The following SLC24A4 variants were observed in gnomAD, a reference collection of about 807,000 sequenced individuals.
SLC24A4 encodes the protein sodium/potassium/calcium exchanger 4.
Under a neutral mutation model 79.0 loss-of-function variants are expected in SLC24A4, and 53 were observed. The ratio of observed to expected loss-of-function variants is 0.67; its 90% CI spans 0.54 to 0.84. The LOEUF (loss-of-function observed/expected upper bound fraction) is 0.84. SLC24A4 is among the 40% of genes least tolerant of loss of function. SLC24A4 has a pLI of 0.00. For synonymous variants in SLC24A4, 323 were observed against 323.8 expected (o/e 1.00, Z 0.03); for missense variants, 731 against 822.0 (o/e 0.89, Z 1.35).
intron 2 of SLC24A4, among the ~76,000 whole-genome samples, chr14:92,344,301 A>G (rs2141626608): frequency 6.6e-6 from 1 of 152,346 alleles, no homozygotes; most frequent in East Asian, 1.9e-4. Flanking sequence ...GGAAGACAAG[A>G]GAAGCCGTCC....
rs955520419 is a variant in SLC24A4 at position 92,372,978 on chromosome 14, T to C, written c.241+47000T>C. On this transcript the variant is annotated intron_variant, in intron 2 of 16. Coordinates refer to ENST00000532405, the MANE Select transcript of SLC24A4 (RefSeq NM_153646.4). ...CTCTCCCTCTCTCTCTCTCCCCCCC[T>C]CCCTCTCCCTCTCTCTCTCTTCTTT... is the stretch of plus-strand genomic sequence containing the variant. 9.3e-3 allele frequency among the ~76,000 whole-genome samples: 1,175 copies of C among 125,698 alleles called. 44 individuals carry two copies. The highest frequency in any genetic ancestry group is 0.015 in the Non-Finnish European group (877 of 57,494). 82.5% of individuals were successfully genotyped at this position (125,698 alleles called of 152,430 possible).
chr14:92,433,841 CAGA>C, intron 2 of SLC24A4, 68 bp from the exon 3 acceptor site: 1 of 1,335,732 alleles, frequency 7.5e-7, no homozygotes, highest in Non-Finnish European at 1.1e-6. Flanking sequence ...AGTGAACTCT[CAGA>C]AGTCAAGTGA....
intron 2 of SLC24A4, among the ~76,000 whole-genome samples, chr14:92,394,055 G>A (rs777788244): frequency 6.7e-6 from 1 of 149,776 alleles, no homozygotes; most frequent in Non-Finnish European, 1.5e-5. Flanking sequence ...ATGTTGCCCA[G>A]GCTGGTCTTG....
chr14:92,478,066 C>G (rs905028529), intron 12 of SLC24A4, among the ~76,000 whole-genome samples: 7 of 152,218 alleles, frequency 4.6e-5, no homozygotes, highest in African/African-American at 1.7e-4. Flanking sequence ...CTTGGCCTTC[C>G]AAAGTGCTGA....
intron 2 of SLC24A4, among the ~76,000 whole-genome samples, chr14:92,432,332 T>C (rs1891921741): frequency 6.6e-6 from 1 of 152,254 alleles, no homozygotes; most frequent in African/African-American, 2.4e-5. Context: ...GACATTGTTC[T>C]AATTTTCAAA....
intron 2 of SLC24A4, among the ~76,000 whole-genome samples, chr14:92,364,850 A>G (rs903354574): frequency 6.6e-6 from 1 of 152,182 alleles, no homozygotes; most frequent in African/African-American, 2.4e-5. Flanking sequence ...TCTGGCACAG[A>G]CTGGGTGCCT....
intron 3 of SLC24A4, among the ~76,000 whole-genome samples, chr14:92,435,766 G>A (rs777746878): frequency 1.3e-5 from 2 of 152,158 alleles, no homozygotes; most frequent in African/African-American, 4.8e-5. Flanking sequence ...CTAGAATGAG[G>A]GTTGTTGGCA....
intron 13 of SLC24A4, chr14:92,484,089 C>T (rs1895225384): frequency 6.1e-6 from 6 of 985,342 alleles, no homozygotes; most frequent in Non-Finnish European, 7.2e-6. Flanking sequence ...CTTACAAGGC[C>T]ATTGGGAGAA....
chr14:92,491,028 C>G (rs1012949269), intron 14 of SLC24A4, among the ~76,000 whole-genome samples: 38 of 152,270 alleles, frequency 2.5e-4, no homozygotes, highest in African/African-American at 8.4e-4. Flanking sequence ...CAACTAAAAC[C>G]AAGAACTTCT....
chr14:92,369,810 G>C (rs150349219), intron 2 of SLC24A4, among the ~76,000 whole-genome samples: 4 of 152,122 alleles, frequency 2.6e-5, no homozygotes, highest in African/African-American at 9.7e-5. Context: ...CACTCACCCC[G>C]AAGTCTCGAG....
intron 2 of SLC24A4, among the ~76,000 whole-genome samples, chr14:92,334,932 A>C (rs1157220318): frequency 6.6e-6 from 1 of 151,896 alleles, no homozygotes; most frequent in Non-Finnish European, 1.5e-5. Context: ...ATCGTCATCG[A>C]GGTGAAGTCC....
intron 14 of SLC24A4, among the ~76,000 whole-genome samples, chr14:92,489,505 G>A (rs1895556961): frequency 6.6e-6 from 1 of 152,218 alleles, no homozygotes; most frequent in South Asian, 2.1e-4. Flanking sequence ...CAAACCAGGA[G>A]GCTGTGCAGC....
At position 92,398,865 on chromosome 14, in the gene SLC24A4, G is replaced by A. The variant is rs752018181; in HGVS notation, c.242-35047G>A. Among the ~76,000 whole-genome samples the A allele has an allele frequency of 2.6e-5, 4 of 152,140 alleles. No individual in the cohort carries two copies. Among genetic ancestry groups the A allele is most frequent in the Non-Finnish European group, 4.4e-5 (3 of 68,026 alleles). On this transcript the variant is annotated intron_variant, in intron 2 of 16. Transcript: ENST00000532405. This position sits in a 1 kb window ranked among gnomAD's most constrained non-coding sequence, Gnocchi z 4.1. The stretch of plus-strand genomic sequence containing the variant: ...TTGGGGTGGCACCCTTCCTTAAATC[G>A]TCAACTCAATGCCTGCTTCTTTCCC...
At chr14:92,407,857 TTGTGTGTGTG>T (rs60398538) in intron 2 of SLC24A4, among the ~76,000 whole-genome samples, 2,277 of 143,616 alleles carry the variant, frequency 0.016, 43 homozygotes, top group East Asian at 0.1. Flanking sequence ...CAGAGTGATA[TTGTGTGTGTG>T]TGTGTGTGTG....
intron 2 of SLC24A4, among the ~76,000 whole-genome samples, chr14:92,383,937 A>T (rs1888999122): frequency 1.3e-5 from 2 of 152,234 alleles, no homozygotes; most frequent in African/African-American, 4.8e-5. Flanking sequence ...GTGGCGGGAC[A>T]GCATGCTTTC....
chr14:92,449,170 C>G lies in SLC24A4; in HGVS notation c.834C>G (p.Phe278Leu). Residue 278 changes from phenylalanine (F) to leucine (L), a missense_variant, in exon 10 of 17, where the codon TTC becomes TTG. Phe to Leu is a conservative substitution (Grantham distance 22). Transcript: ENST00000532405. ...VNSELEAGNDFYDGSYDDPSV... is the reference protein window; with the variant it reads ...VNSELEAGNDLYDGSYDDPSV... The stretch of plus-strand genomic sequence containing the variant: ...GTGAGCTGGAGGCTGGTAATGATTT[C>G]TATGACGGTAGCTATGATGACCCTT... 1 of 1,614,192 alleles carries G rather than the reference C, an allele frequency of 6.2e-7. No individual in the cohort carries two copies. The highest frequency in any genetic ancestry group is 8.5e-7 in the Non-Finnish European group (1 of 1,180,030).
At chr14:92,372,099 C>A (rs1345070412) in intron 2 of SLC24A4, among the ~76,000 whole-genome samples, 2 of 152,188 alleles carry the variant, frequency 1.3e-5, no homozygotes, top group African/African-American at 2.4e-5. Flanking sequence ...GCTGCAGCAA[C>A]GAAAAACTCT....
intron 7 of SLC24A4, 125 bp downstream of exon 7, chr14:92,443,599 G>T (rs878890017): frequency 5.2e-6 from 5 of 955,314 alleles, no homozygotes; most frequent in Non-Finnish European, 1.6e-6. Context: ...AGTGGGGTGT[G>T]CCAGCCACTC....
intron 2 of SLC24A4, among the ~76,000 whole-genome samples, chr14:92,393,632 C>A (rs1889612742): frequency 6.7e-6 from 1 of 148,918 alleles, no homozygotes; most frequent in African/African-American, 2.5e-5. Flanking sequence ...CAGCCTCAAT[C>A]TCCCAGACTC....
Sources: gnomAD v4.1 joint callset for allele counts (sites outside exome capture counted in the v4.1 genomes callset) on GRCh38, gnomAD v4.1.1 for gene constraint, Gnocchi (gnomAD v3.1) non-coding constraint, MANE v1.5 for transcripts, NCBI Gene and HGNC (gene_info 2026-07-23, HGNC 2026-07-21) for gene names.